Variants in SBF2 observed in about 807,000 individuals in gnomAD.
SBF2 encodes the protein myotubularin-related protein 13.
SBF2 carries 112 observed loss-of-function variants against 225.2 expected under a neutral mutation model. The observed-to-expected ratio is 0.50, with a 90% CI of 0.43 to 0.58. SBF2 has a LOEUF of 0.58. SBF2 is among the 20% of genes least tolerant of loss of function. SBF2 has a pLI of 0.00. For synonymous variants in SBF2, 763 were observed against 773.3 expected (o/e 0.99, Z 0.22); for missense variants, 1,996 against 2,206.2 (o/e 0.90, Z 1.91).
intron 1 of SBF2, among the ~76,000 whole-genome samples, chr11:10,222,379 T>C (rs1958371543): frequency 1.3e-5 from 2 of 151,452 alleles, no homozygotes; most frequent in African/African-American, 4.8e-5. Flanking sequence ...TTCTGCTTAA[T>C]GATGCAGAGA....
At chr11:10,269,311 A>C (rs1217492512) in intron 1 of SBF2, among the ~76,000 whole-genome samples, 1 of 152,192 alleles carries the variant, frequency 6.6e-6, no homozygotes, top group Non-Finnish European at 1.5e-5. Flanking sequence ...ATCTTACCTT[A>C]GTCATCCTAG....
At chr11:10,121,366 A>T (rs1312497416) in intron 2 of SBF2, among the ~76,000 whole-genome samples, 1 of 152,162 alleles carries the variant, frequency 6.6e-6, no homozygotes, top group Non-Finnish European at 1.5e-5. Context: ...ATATTCTTTC[A>T]ATCCAATTCT....
At chr11:10,142,620 T>C (rs1954697398) in intron 2 of SBF2, among the ~76,000 whole-genome samples, 1 of 152,190 alleles carries the variant, frequency 6.6e-6, no homozygotes, top group Non-Finnish European at 1.5e-5. Context: ...TGATAGGATA[T>C]AATTCTATAA....
At chr11:10,063,937 G>C (rs1379625186) in intron 2 of SBF2, among the ~76,000 whole-genome samples, 4 of 151,240 alleles carry the variant, frequency 2.6e-5, no homozygotes, top group South Asian at 2.1e-4. Context: ...TAAAATATAA[G>C]TAACAGGAAT....
intron 2 of SBF2, among the ~76,000 whole-genome samples, chr11:10,130,284 C>T (rs759150542): frequency 5.3e-5 from 8 of 151,784 alleles, no homozygotes; most frequent in East Asian, 1.9e-4. Context: ...ATCACTTTAA[C>T]GCAGGAGGCG....
At chr11:9,928,407 C>A (rs903937033) in intron 16 of SBF2, among the ~76,000 whole-genome samples, 1 of 152,180 alleles carries the variant, frequency 6.6e-6, no homozygotes, top group Non-Finnish European at 1.5e-5. Flanking sequence ...GATACAACCA[C>A]ACACCTATTA....
At chr11:9,860,000 A>G (rs936313433) in intron 17 of SBF2, among the ~76,000 whole-genome samples, 3 of 152,162 alleles carry the variant, frequency 2.0e-5, no homozygotes, top group Non-Finnish European at 4.4e-5. Flanking sequence ...GTGCACAGGG[A>G]TCATTGTTGG....
chr11:10,299,831 G>A (rs1281839655), intron 1 of SBF2, among the ~76,000 whole-genome samples: 1 of 152,142 alleles, frequency 6.6e-6, no homozygotes, highest in Non-Finnish European at 1.5e-5. Flanking sequence ...ACATTCCATA[G>A]CCAAAACGAT....
At chr11:9,965,024 A>G (rs997851236) in intron 14 of SBF2, among the ~76,000 whole-genome samples, 2 of 151,186 alleles carry the variant, frequency 1.3e-5, no homozygotes, top group Non-Finnish European at 2.9e-5. Flanking sequence ...CTCCCTTCCC[A>G]CCCTCCCAGC....
intron 22 of SBF2, 56 bp from the exon 23 acceptor site, chr11:9,847,139 G>A: frequency 1.9e-6 from 3 of 1,600,486 alleles, no homozygotes; most frequent in African/African-American, 1.3e-5. Context: ...CACTTTTAGA[G>A]TGTCTACTGC....
At chr11:10,301,243 A>G (rs1221994067) in intron 1 of SBF2, among the ~76,000 whole-genome samples, 1 of 152,230 alleles carries the variant, frequency 6.6e-6, no homozygotes, top group Non-Finnish European at 1.5e-5. Flanking sequence ...AAACTTGGTC[A>G]ACCTCCCGGA....
At chr11:9,924,955 C>T (rs1863916083) in intron 16 of SBF2, among the ~76,000 whole-genome samples, 1 of 151,798 alleles carries the variant, frequency 6.6e-6, no homozygotes, top group African/African-American at 2.4e-5. Context: ...CACTATGTTG[C>T]CCAGGCTGGT....
chr11:10,190,987 T>G (rs1374139483), intron 2 of SBF2, among the ~76,000 whole-genome samples: 2 of 152,212 alleles, frequency 1.3e-5, no homozygotes, highest in African/African-American at 2.4e-5. Flanking sequence ...CTGTTAGATC[T>G]CAGTAAAGTT....
chr11:10,216,607 C>T lies in SBF2; in HGVS notation c.56-22620G>A, dbSNP rs192323405. Among the ~76,000 whole-genome samples the T allele has an allele frequency of 2.3e-4, 35 of 152,350 alleles. No individual in the cohort carries two copies. The East Asian group carries it at 2.9e-3, about 13-fold the overall frequency. ...AAAGAGGGCTGGGTGTGGTGGCTCA[C>T]GCCTGTAATCCCAGCACTGTGGGAG... On this transcript the variant is annotated intron_variant, in intron 1 of 39. Coordinates refer to ENST00000256190, the MANE Select transcript of SBF2 (RefSeq NM_030962.4).
chr11:10,001,853 A>T (rs1947976010), intron 7 of SBF2, among the ~76,000 whole-genome samples: 2 of 152,148 alleles, frequency 1.3e-5, no homozygotes, highest in Non-Finnish European at 2.9e-5. Flanking sequence ...GAAATTCTGG[A>T]GTCTAAAATT....
intron 16 of SBF2, among the ~76,000 whole-genome samples, chr11:9,898,850 A>C (rs1217321653): frequency 6.6e-6 from 1 of 152,194 alleles, no homozygotes; most frequent in African/African-American, 2.4e-5. Flanking sequence ...GAAATGAATA[A>C]GTGAATAAAT....
At chr11:10,020,843 T>C (rs1381411627) in intron 6 of SBF2, among the ~76,000 whole-genome samples, 2 of 148,766 alleles carry the variant, frequency 1.3e-5, no homozygotes, top group African/African-American at 4.9e-5. Context: ...GTCAACATTT[T>C]AATAACTTTT....
chr11:10,217,406 C>CA (rs1317957183), intron 1 of SBF2, among the ~76,000 whole-genome samples: 1 of 151,828 alleles, frequency 6.6e-6, no homozygotes. Flanking sequence ...ATTTTGTTTA[C>CA]AAAAAACAAA....
intron 16 of SBF2, among the ~76,000 whole-genome samples, chr11:9,931,386 C>T (rs1211570999): frequency 1.3e-5 from 2 of 152,158 alleles, no homozygotes; most frequent in African/African-American, 4.8e-5. Flanking sequence ...GATGGGTGCC[C>T]CTCTGGGACG....
Sources: gnomAD v4.1 joint callset for allele counts (sites outside exome capture counted in the v4.1 genomes callset) on GRCh38, gnomAD v4.1.1 for gene constraint, MANE v1.5 for transcripts, NCBI Gene and HGNC (gene_info 2026-07-23, HGNC 2026-07-21) for gene names.